ZHX3: variants seen among roughly 807,000 people sequenced by gnomAD.
ZHX3 encodes zinc fingers and homeoboxes protein 3.
ZHX3 carries 20 observed loss-of-function variants against 64.5 expected under a neutral mutation model. The ratio of observed to expected loss-of-function variants is 0.31; its 90% CI spans 0.22 to 0.45. ZHX3 has a LOEUF of 0.45. Ranked by LOEUF, ZHX3 falls within the 20% of genes least tolerant of loss-of-function variation. The pLI, the probability that ZHX3 is intolerant of heterozygous loss-of-function variation, is 1.00. For missense variants in ZHX3, 1,041 were observed against 1,195.8 expected (o/e 0.87, Z 1.91); for synonymous variants, 423 against 461.6 (o/e 0.92, Z 1.07).
chr20:41,311,184 C>CTCTT lies in ZHX3; in HGVS notation c.-245+6321_-245+6324dup, dbSNP rs564065529. 3.2e-3 allele frequency among the ~76,000 whole-genome samples: 482 copies of CTCTT among 152,314 alleles called. 3 individuals are homozygous for CTCTT. Among genetic ancestry groups the CTCTT allele is most frequent in the African/African-American group, 0.011 (462 of 41,572 alleles). On this transcript the variant is annotated intron_variant, in intron 1 of 3. Transcript: ENST00000683867. ...TAAGTTAGTTATTGTCTGTCATTCA[C>CTCTT]TCTTATCCAAACTCTAAATTGTTGA...
chr20:41,184,982 A>C lies in ZHX3; in HGVS notation c.*209T>G. On this transcript the variant is annotated 3_prime_UTR_variant, in exon 4 of 4. Coordinates refer to ENST00000683867, the MANE Select transcript of ZHX3 (RefSeq NM_001384317.1). ...CATTGTGGGAGGAAGAACTGATGAGAACCCCATCTTGCTTGCTGCTTGCTT... is the reference window on the plus strand; with the variant it reads ...CATTGTGGGAGGAAGAACTGATGAGCACCCCATCTTGCTTGCTGCTTGCTT... 3 of 1,549,978 alleles carry C rather than the reference A, an allele frequency of 1.9e-6. No individual in the cohort carries two copies. The highest frequency in any genetic ancestry group is 2.6e-6 in the Non-Finnish European group (3 of 1,146,974).
In ZHX3 at chr20:41,181,174, C is replaced by CCTGCTGGCTACCTGACCTGGGTGGG. The variant is rs2036238640; in HGVS notation, c.*3992_*4016dup. 6.6e-6 allele frequency: 1 copy of CCTGCTGGCTACCTGACCTGGGTGGG among 152,248 alleles called. No individual in the cohort carries two copies. Among genetic ancestry groups the CCTGCTGGCTACCTGACCTGGGTGGG allele is most frequent in the Non-Finnish European group, 1.5e-5 (1 of 68,102 alleles). The allele number at this position is 152,248 out of a possible 1,614,324, so 9.4% of individuals were successfully genotyped here. A position where few individuals can be genotyped will look rare whatever the true frequency, so the allele number is the denominator to read the frequency against. On this transcript the variant is annotated 3_prime_UTR_variant, in exon 4 of 4. Coordinates refer to ENST00000683867, the MANE Select transcript of ZHX3 (RefSeq NM_001384317.1). Reference sequence around the variant, plus strand: ...GTGTCTGGAGTGAGGGGAACTGAGCCCTGCTGGCTACCTGACCTGGGTGGG... The same window carrying CCTGCTGGCTACCTGACCTGGGTGGG: ...GTGTCTGGAGTGAGGGGAACTGAGCCCTGCTGGCTACCTGACCTGGGTGGGCTGCTGGCTACCTGACCTGGGTGGG...
chr20:41,223,970 T>C (rs2040109876), intron 2 of ZHX3, among the ~76,000 whole-genome samples: 1 of 152,186 alleles, frequency 6.6e-6, no homozygotes, highest in African/African-American at 2.4e-5. Flanking sequence ...AGCACTTCAC[T>C]TAAAACTATA....
chr20:41,203,125 G>C lies in ZHX3; in HGVS notation c.1792C>G (p.Pro598Ala), dbSNP rs367755444. 4.3e-6 allele frequency: 7 copies of C among 1,613,986 alleles called. No homozygotes were observed. The highest frequency in any genetic ancestry group is 5.9e-6 in the Non-Finnish European group (7 of 1,180,026). ...TGCCAAGATTGTCGTTTGGCAGAAG[G>C]GTGGGTTGCTAGTGTGGCTGTTGTC... ...IPTTATLATH[P>A]SAKRQSWHQT... The change falls in exon 3 of 4, where the codon CCT becomes GCT. Residue 598 changes from proline (P) to alanine (A), a missense_variant. By Grantham distance (27) the Pro-to-Ala change is conservative (BLOSUM62 -1). Around this residue, in one of 4 missense-constraint regions of ZHX3, gnomAD observed 649 missense variants for 739.8 expected, o/e 0.88. Coordinates refer to ENST00000683867, the MANE Select transcript of ZHX3 (RefSeq NM_001384317.1). This position sits in a 1 kb window ranked among gnomAD's most constrained non-coding sequence, Gnocchi z 7.1.
intron 1 of ZHX3, among the ~76,000 whole-genome samples, chr20:41,305,440 T>C (rs2044946289): frequency 6.6e-6 from 1 of 151,794 alleles, no homozygotes; most frequent in African/African-American, 2.4e-5. Context: ...TGCAGTAAGC[T>C]AGGATCACAC....
Position 41,202,393 on chromosome 20 carries a change from T to C in ZHX3, c.2524A>G (p.Ile842Val). ...RGNFPPGLLV[I>V]APGNRELLQD... ...AGGAGCTCCCGGTTGCCAGGGGCAA[T>C]GACCAGTAGCCCTGGTGGGAAGTTG... Residue 842 changes from isoleucine to valine, a missense_variant, in exon 3 of 4, where the codon ATT becomes GTT. This residue lies in a region of ZHX3 where 649 missense variants were observed against 739.8 expected (regional missense o/e 0.88). Coordinates refer to ENST00000683867, the MANE Select transcript of ZHX3 (RefSeq NM_001384317.1). This position sits in a 1 kb window ranked among gnomAD's most constrained non-coding sequence, Gnocchi z 7.0. 1 of 1,614,216 alleles carries C rather than the reference T, an allele frequency of 6.2e-7. No homozygotes were observed. The highest frequency in any genetic ancestry group is 8.5e-7 in the Non-Finnish European group (1 of 1,180,030).
rs2038578145 is a variant in ZHX3, at chr20:41,204,896, G to A, written c.21C>T (p.Ser7=). ...TCACTGGGATCATGCATGGTGTGGT[G>A]GATTTCCTCTTGCTGGCCATGGTGA... is the stretch of plus-strand genomic sequence containing the variant. MASKRK[S]TTPCMIPVKT... is the part of the protein sequence containing the mutation. Residue 7 remains serine (S), a synonymous_variant, in exon 3 of 4, where the codon TCC becomes TCT. Coordinates refer to ENST00000683867, the MANE Select transcript of ZHX3 (RefSeq NM_001384317.1). The surrounding 1 kb of genome is among the most constrained non-coding windows in gnomAD (Gnocchi z 6.6). 1 of 1,534,662 alleles carries A rather than the reference G, an allele frequency of 6.5e-7. No homozygotes were observed. Among genetic ancestry groups the A allele is most frequent in the Non-Finnish European group, 8.8e-7 (1 of 1,141,882 alleles).
At chr20:41,223,541 G>A (rs1408152736) in intron 2 of ZHX3, among the ~76,000 whole-genome samples, 1 of 152,188 alleles carries the variant, frequency 6.6e-6, no homozygotes, top group Non-Finnish European at 1.5e-5. Flanking sequence ...CTTGATATAT[G>A]TTAAGTTTTT....
At chr20:41,208,128 C>T (rs2038875167) in intron 2 of ZHX3, among the ~76,000 whole-genome samples, 1 of 152,170 alleles carries the variant, frequency 6.6e-6, no homozygotes, top group Non-Finnish European at 1.5e-5. Context: ...TACACCCTCC[C>T]AAGACTAAAC....
At chr20:41,306,735 CA>C (rs2044991302) in intron 1 of ZHX3, among the ~76,000 whole-genome samples, 1 of 152,104 alleles carries the variant, frequency 6.6e-6, no homozygotes, top group Non-Finnish European at 1.5e-5. Flanking sequence ...CAGGAATAAA[CA>C]AAAAGGAAAT....
chr20:41,317,241 G>A (rs922537627), intron 1 of ZHX3: 1 of 152,218 alleles, frequency 6.6e-6, no homozygotes, highest in Non-Finnish European at 1.5e-5. Context: ...CCCGCTCCTG[G>A]AGCCCGGGGG....
At chr20:41,280,975 G>C (rs757722409) in intron 1 of ZHX3, among the ~76,000 whole-genome samples, 2 of 151,892 alleles carry the variant, frequency 1.3e-5, no homozygotes, top group Non-Finnish European at 2.9e-5. Flanking sequence ...TGAGCATTAG[G>C]TTGAAAGGGT....
At chr20:41,267,315 G>C (rs889327027) in intron 2 of ZHX3, 8 of 152,206 alleles carry the variant, frequency 5.3e-5, no homozygotes, top group African/African-American at 1.9e-4. Context: ...AAGCCCCGCT[G>C]TTTAGCAGGC....
chr20:41,306,767 T>G (rs2044992442), intron 1 of ZHX3, among the ~76,000 whole-genome samples: 1 of 152,244 alleles, frequency 6.6e-6, no homozygotes, highest in Non-Finnish European at 1.5e-5. Context: ...GTGAACTATA[T>G]ATGTTGATTC....
At chr20:41,251,164 T>G (rs2146508341) in intron 2 of ZHX3, among the ~76,000 whole-genome samples, 1 of 151,758 alleles carries the variant, frequency 6.6e-6, no homozygotes. Flanking sequence ...TGGGGAGATA[T>G]ATATATATAT....
rs1600747279 is a variant in ZHX3 at position 41,201,291 on chromosome 20, C to T, written c.2860+766G>A. 2 of 1,302,554 alleles carry T rather than the reference C, an allele frequency of 1.5e-6. No homozygotes were observed. Among genetic ancestry groups the T allele is most frequent in the Admixed American group, 2.3e-5 (1 of 43,106 alleles). 80.7% of individuals were successfully genotyped at this position (1,302,554 alleles called of 1,614,324 possible). A position where few individuals can be genotyped will look rare whatever the true frequency, so the allele number is the denominator to read the frequency against. On this transcript the variant is annotated intron_variant, in intron 3 of 3. Coordinates refer to ENST00000683867, the MANE Select transcript of ZHX3 (RefSeq NM_001384317.1). The surrounding 1 kb of genome is among the most constrained non-coding windows in gnomAD (Gnocchi z 5.0). ...TCCGCCCTCCTGGCTCTCACCTGAG[C>T]TTCTGGCTGCCCTCTGATGGGGTCT...
At position 41,185,241 on chromosome 20, in the gene ZHX3, C is replaced by A; in HGVS notation, c.2861-40G>T. On this transcript the variant is annotated intron_variant, in intron 3 of 3. Coordinates refer to ENST00000683867, the MANE Select transcript of ZHX3 (RefSeq NM_001384317.1). This position sits in a 1 kb window ranked among gnomAD's most constrained non-coding sequence, Gnocchi z 5.0. ...CATGCCTGTCACTCTACGGCAGCTG[C>A]CACCACCTGCCCCCCAGGCAGCCTG... The A allele has an allele frequency of 6.4e-7, 1 of 1,568,934 alleles. No individual in the cohort carries two copies.
chr20:41,258,708 G>C (rs2042398028), intron 2 of ZHX3, among the ~76,000 whole-genome samples: 3 of 152,124 alleles, frequency 2.0e-5, no homozygotes, highest in Non-Finnish European at 2.9e-5. Context: ...TCTTATTGCT[G>C]GTGGTGTTGG....
At chr20:41,210,074 CA>C (rs1938787377) in intron 2 of ZHX3, among the ~76,000 whole-genome samples, 1 of 152,194 alleles carries the variant, frequency 6.6e-6, no homozygotes, top group Non-Finnish European at 1.5e-5. Flanking sequence ...GACATTTATG[CA>C]GCCAAAAGAC....
Sources: allele counts gnomAD v4.1 joint callset (sites outside exome capture counted in the v4.1 genomes callset), GRCh38; gene constraint gnomAD v4.1.1; regional missense constraint gnomAD v4.1.1; non-coding constraint Gnocchi (gnomAD v3.1); transcripts MANE v1.5; gene names NCBI Gene and HGNC (gene_info 2026-07-23, HGNC 2026-07-21).